Variants in ZCCHC8 observed in about 807,000 individuals in gnomAD.
The protein encoded by ZCCHC8 is zinc finger CCHC-type containing 8.
Under a neutral mutation model 70.6 loss-of-function variants are expected in ZCCHC8, and 27 were observed. The observed-to-expected ratio is 0.38, with a 90% CI of 0.28 to 0.53. ZCCHC8 has a LOEUF of 0.53. ZCCHC8 is among the 20% of genes least tolerant of loss of function. ZCCHC8 has a pLI of 0.81. For synonymous variants in ZCCHC8, 293 were observed against 317.4 expected (o/e 0.92, Z 0.82); for missense variants, 737 against 876.9 (o/e 0.84, Z 2.01).
At chr12:122,480,355 A>G (rs1162019406) in intron 10 of ZCCHC8, 44 bp from the exon 11 acceptor site, 2 of 1,531,288 alleles carry the variant, frequency 1.3e-6, no homozygotes, top group African/African-American at 1.4e-5. Context: ...AAATGTCAAT[A>G]TATATCCCTC....
intron 10 of ZCCHC8, chr12:122,480,917 G>C (rs1957520757): frequency 6.6e-6 from 1 of 152,294 alleles, no homozygotes; most frequent in Non-Finnish European, 1.5e-5. Context: ...GCTGAAACCT[G>C]CTTTTTAAAA....
chr12:122,487,921 G>C (rs1957672067), intron 5 of ZCCHC8, among the ~76,000 whole-genome samples: 2 of 151,982 alleles, frequency 1.3e-5, no homozygotes, highest in African/African-American at 2.4e-5. Flanking sequence ...CTGTCACCTA[G>C]ACTGGAGTGC....
intron 2 of ZCCHC8, among the ~76,000 whole-genome samples, chr12:122,497,907 G>A (rs1346871521): frequency 3.3e-5 from 5 of 152,064 alleles, no homozygotes; most frequent in African/African-American, 1.2e-4. Context: ...TATTTGGGAG[G>A]CTGAGGCGGG....
chr12:122,481,309 C>G (rs564514968), intron 10 of ZCCHC8: 1 of 518,292 alleles, frequency 1.9e-6, no homozygotes, highest in Admixed American at 3.6e-5. Context: ...CTAGACAGTA[C>G]CTGAGCAAGC....
Position 122,483,394 on chromosome 12 carries a change from A to T in ZCCHC8, c.606-50T>A, listed in dbSNP as rs1265285995. ...AGTTATCATGGTCTGCAAAATTTGGAAATTGTTTTAAAGGTGAACTTAGTG... is the reference window on the plus strand; with the variant it reads ...AGTTATCATGGTCTGCAAAATTTGGTAATTGTTTTAAAGGTGAACTTAGTG... On this transcript the variant is annotated intron_variant, in intron 6 of 13. Coordinates refer to ENST00000633063, the MANE Select transcript of ZCCHC8 (RefSeq NM_017612.5). This position sits in a 1 kb window ranked among gnomAD's most constrained non-coding sequence, Gnocchi z 4.4. The T allele has an allele frequency of 6.4e-7, 1 of 1,569,966 alleles. No homozygotes were observed. Among genetic ancestry groups the T allele is most frequent in the Non-Finnish European group, 8.7e-7 (1 of 1,155,528 alleles).
intron 13 of ZCCHC8, among the ~76,000 whole-genome samples, chr12:122,475,710 G>A (rs905624303): frequency 1.3e-5 from 2 of 152,014 alleles, no homozygotes; most frequent in African/African-American, 2.4e-5. Context: ...CCTCCAAACC[G>A]CTGCCAGATT....
At chr12:122,499,224 G>T in intron 1 of ZCCHC8, 1 of 251,324 alleles carries the variant, frequency 4.0e-6, no homozygotes, top group Non-Finnish European at 7.7e-6. Flanking sequence ...AACAACTTTA[G>T]AATTTGGAAT....
intron 1 of ZCCHC8, 124 bp from the exon 2 acceptor site, chr12:122,498,993 G>T: frequency 1.1e-6 from 1 of 893,590 alleles, no homozygotes; most frequent in Non-Finnish European, 1.8e-6. Flanking sequence ...ATATTTTGAG[G>T]ATGACACACT....
In ZCCHC8 at chr12:122,494,862, G is replaced by T. The variant is rs542828853; in HGVS notation, c.243-2073C>A. ...AGAGCAACACGCTCGGCCAACCAGG[G>T]ATGTTTTTAAAAGTCACATGCAGCT... On this transcript the variant is annotated intron_variant, in intron 2 of 13. Coordinates refer to ENST00000633063, the MANE Select transcript of ZCCHC8 (RefSeq NM_017612.5). Among the ~76,000 whole-genome samples the T allele has an allele frequency of 2.0e-5, 3 of 152,300 alleles. No homozygotes were observed. The East Asian group carries it at 5.8e-4, about 29-fold the overall frequency.
chr12:122,499,128 C>G, intron 1 of ZCCHC8: 1 of 504,182 alleles, frequency 2.0e-6, no homozygotes, highest in Non-Finnish European at 3.5e-6. Flanking sequence ...CAAACTGAAC[C>G]AAAACCATTA....
chr12:122,487,630 T>G (rs1252700507), intron 5 of ZCCHC8, among the ~76,000 whole-genome samples: 2 of 152,226 alleles, frequency 1.3e-5, no homozygotes, highest in Non-Finnish European at 2.9e-5. Flanking sequence ...TGAGTTGAAA[T>G]GTACCTTCTT....
chr12:122,489,553 A>G, intron 4 of ZCCHC8, 90 bp from the exon 5 acceptor site: 3 of 1,176,320 alleles, frequency 2.6e-6, no homozygotes, highest in Non-Finnish European at 3.7e-6. Context: ...TAAGCTAAGA[A>G]TGTTTATGAA....
At chr12:122,495,723 C>T (rs149707188) in intron 2 of ZCCHC8, among the ~76,000 whole-genome samples, 252 of 151,886 alleles carry the variant, frequency 1.7e-3, no homozygotes, top group African/African-American at 5.7e-3. Context: ...TGGTGTGCAC[C>T]TGTAATCCCA....
At position 122,479,257 on chromosome 12, in the gene ZCCHC8, G is replaced by A. The variant is rs551503833; in HGVS notation, c.1140+933C>T. 3.9e-5 allele frequency among the ~76,000 whole-genome samples: 6 copies of A among 152,262 alleles called. 1 individual carries two copies. In the South Asian group the frequency reaches 1.2e-3, roughly 32 times the overall value. On this transcript the variant is annotated intron_variant, in intron 11 of 13. Coordinates refer to ENST00000633063, the MANE Select transcript of ZCCHC8 (RefSeq NM_017612.5). Reference sequence around the variant, plus strand: ...CGCTCAGCTAATTTTTATATTTTTAGTAGAGATAGGATTTTGCCATGTTGG... The same window carrying A: ...CGCTCAGCTAATTTTTATATTTTTAATAGAGATAGGATTTTGCCATGTTGG...
At chr12:122,480,778 T>A (rs1957517590) in intron 10 of ZCCHC8, 1 of 152,730 alleles carries the variant, frequency 6.5e-6, no homozygotes, top group South Asian at 2.1e-4. Flanking sequence ...CTTGGCTAAT[T>A]TTTGTATTTT....
intron 10 of ZCCHC8, 70 bp from the exon 11 acceptor site, chr12:122,480,381 C>T (rs1957507961): frequency 7.5e-7 from 1 of 1,341,482 alleles, no homozygotes; most frequent in Non-Finnish European, 9.8e-7. Context: ...ACCAAAAGTA[C>T]ACCTGGAAAG....
intron 5 of ZCCHC8, among the ~76,000 whole-genome samples, chr12:122,486,355 GT>G (rs545611848): frequency 1.9e-3 from 258 of 132,832 alleles, no homozygotes; most frequent in African/African-American, 6.1e-3. Context: ...GGAGGTTGCA[GT>G]AAGCTGAGAT....
intron 2 of ZCCHC8, among the ~76,000 whole-genome samples, chr12:122,495,877 AAAAAAAAAAAG>A: frequency 1.5e-5 from 2 of 132,460 alleles, no homozygotes; most frequent in African/African-American, 5.6e-5. Flanking sequence ...AAAAAAAAAA[AAAAAAAAAAAG>A]GAGAAACAGA....
chr12:122,498,004 A>AACAAAAACAAAG (rs1481464988), intron 2 of ZCCHC8, among the ~76,000 whole-genome samples: 1 of 150,702 alleles, frequency 6.6e-6, no homozygotes, highest in East Asian at 1.9e-4. Flanking sequence ...CAAAAACAAA[A>AACAAAAACAAAG]ACATAAAATC....
Sources: allele counts gnomAD v4.1 joint callset (sites outside exome capture counted in the v4.1 genomes callset), GRCh38; gene constraint gnomAD v4.1.1; non-coding constraint Gnocchi (gnomAD v3.1); transcripts MANE v1.5; gene names NCBI Gene and HGNC (gene_info 2026-07-23, HGNC 2026-07-21).